Variants in DAGLA observed in about 807,000 individuals in gnomAD.
DAGLA encodes the protein diacylglycerol lipase alpha.
A neutral mutation model predicts 102.6 loss-of-function variants in DAGLA; 22 were observed. The observed-to-expected ratio is 0.21, with a 90% CI of 0.15 to 0.31. DAGLA has a LOEUF of 0.31. Ranked by LOEUF, DAGLA falls within the 10% of genes least tolerant of loss-of-function variation. The pLI is 1.00. For missense variants in DAGLA, 927 were observed against 1,446.6 expected (o/e 0.64, Z 5.83); for synonymous variants, 578 against 628.9 (o/e 0.92, Z 1.21).
At position 61,695,920 on chromosome 11, in the gene DAGLA, C is replaced by T. The variant is rs1036168667; in HGVS notation, c.-45+15416C>T. 3.3e-5 allele frequency among the ~76,000 whole-genome samples: 5 copies of T among 152,304 alleles called. No homozygotes were observed. In the East Asian group the frequency reaches 9.7e-4, roughly 29 times the overall value. ...AGCCAGATACCCAGAGTGTGGATGACAGGCTCCGGGCCAGAGCCCAGGGGC... is the reference window on the plus strand; with the variant it reads ...AGCCAGATACCCAGAGTGTGGATGATAGGCTCCGGGCCAGAGCCCAGGGGC... On this transcript the variant is annotated intron_variant, in intron 1 of 19. Transcript: ENST00000257215.
At chr11:61,722,261 C>A (rs2065290893) in intron 3 of DAGLA, among the ~76,000 whole-genome samples, 1 of 152,246 alleles carries the variant, frequency 6.6e-6, no homozygotes, top group Non-Finnish European at 1.5e-5. Context: ...TCTGATTCCA[C>A]AGTTCAGACA....
At chr11:61,694,265 G>GT (rs375453932) in intron 1 of DAGLA, among the ~76,000 whole-genome samples, 1 of 152,178 alleles carries the variant, frequency 6.6e-6, no homozygotes, top group Admixed American at 6.5e-5. Flanking sequence ...TTCCTTGCCT[G>GT]TTTTTTTCTA....
chr11:61,688,792 G>T (rs927486399), intron 1 of DAGLA, among the ~76,000 whole-genome samples: 138 of 152,362 alleles, frequency 9.1e-4, no homozygotes, highest in Non-Finnish European at 1.5e-3. Context: ...CATGCGGAAA[G>T]CCTTGTGAGG....
chr11:61,720,586 A>G (rs998256402), intron 2 of DAGLA, 93 bp from the exon 3 acceptor site: 2 of 1,204,164 alleles, frequency 1.7e-6, no homozygotes, highest in Non-Finnish European at 2.4e-6. Flanking sequence ...CCCTCCTTCC[A>G]CTGAATCTGG....
intron 1 of DAGLA, among the ~76,000 whole-genome samples, chr11:61,698,170 C>T (rs1384538538): frequency 6.6e-6 from 1 of 152,218 alleles, no homozygotes; most frequent in African/African-American, 2.4e-5. Context: ...ATCCTGGCCC[C>T]CAGTCTGCTC....
In DAGLA at chr11:61,694,898, AG is replaced by A. The variant is rs371979037; in HGVS notation, c.-45+14398del. On this transcript the variant is annotated intron_variant, in intron 1 of 19. Coordinates refer to ENST00000257215, the MANE Select transcript of DAGLA (RefSeq NM_006133.3). ...CTGGTCTTCAGGAAGAACCATGGAGAGGGGAAGCCTGGAAGATAAAAGCTGG... is the reference window on the plus strand; with the variant it reads ...CTGGTCTTCAGGAAGAACCATGGAGAGGGAAGCCTGGAAGATAAAAGCTGG... Among the ~76,000 whole-genome samples the A allele has an allele frequency of 2.7e-3, 408 of 152,192 alleles. 2 individuals carry two copies. The highest frequency in any genetic ancestry group is 9.2e-3 in the African/African-American group (383 of 41,514).
In DAGLA at chr11:61,684,127, C is replaced by T. The variant is rs1356573757; in HGVS notation, c.-45+3623C>T. ...GGCTGCAGCTGAAGGCACAGCTTGT[C>T]ACTGGAAGCCACTCCTCCCCCAGTC... On this transcript the variant is annotated intron_variant, in intron 1 of 19. Transcript: ENST00000257215. This position sits in a 1 kb window ranked among gnomAD's most constrained non-coding sequence, Gnocchi z 4.5. Among the ~76,000 whole-genome samples, 1 of 152,234 alleles carries T rather than the reference C, an allele frequency of 6.6e-6. No individual in the cohort carries two copies. The highest frequency in any genetic ancestry group is 1.5e-5 in the Non-Finnish European group (1 of 68,054).
intron 1 of DAGLA, among the ~76,000 whole-genome samples, chr11:61,694,473 T>C (rs1044413792): frequency 2.0e-5 from 3 of 152,168 alleles, no homozygotes; most frequent in Non-Finnish European, 4.4e-5. Context: ...CCACCACCCA[T>C]AGCAGAGGGC....
chr11:61,699,191 C>T lies in DAGLA; in HGVS notation c.-45+18687C>T, dbSNP rs546388225. On this transcript the variant is annotated intron_variant, in intron 1 of 19. Transcript: ENST00000257215. ...CTGCCCTGAGTTTGGGGCCAGTAGA[C>T]GCAGCAGCCCCTGCTGGTAGAATAG... 6.6e-5 allele frequency among the ~76,000 whole-genome samples: 10 copies of T among 152,304 alleles called. No homozygotes were observed. In the South Asian group the frequency reaches 1.9e-3, roughly 28 times the overall value.
In DAGLA at chr11:61,744,726, G is replaced by C. The variant is rs937612386; in HGVS notation, c.*237G>C. Reference sequence around the variant, plus strand: ...GGAAAGATGGGGAAGGGTGTGGAGTGGGGAGGAGCCTGGGCAGCCTGCTGG... The same window carrying C: ...GGAAAGATGGGGAAGGGTGTGGAGTCGGGAGGAGCCTGGGCAGCCTGCTGG... On this transcript the variant is annotated 3_prime_UTR_variant, in exon 20 of 20. Transcript: ENST00000257215. The C allele has an allele frequency of 2.0e-6, 1 of 487,804 alleles. No homozygotes were observed. The highest frequency in any genetic ancestry group is 1.9e-5 in the African/African-American group (1 of 51,546). 30.2% of individuals were successfully genotyped at this position (487,804 alleles called of 1,614,324 possible).
At chr11:61,719,321 G>C (rs962684514) in intron 1 of DAGLA, among the ~76,000 whole-genome samples, 1 of 152,086 alleles carries the variant, frequency 6.6e-6, no homozygotes, top group Non-Finnish European at 1.5e-5. Flanking sequence ...GTTGCCAGGA[G>C]GGGTGTGACC....
At chr11:61,703,678 A>AATGGATGGATGG (rs10664991) in intron 1 of DAGLA, among the ~76,000 whole-genome samples, 3,269 of 149,540 alleles carry the variant, frequency 0.022, 53 homozygotes, top group African/African-American at 0.03. Context: ...AGGATGGAGG[A>AATGGATGGATGG]ATGGATGGAT....
At chr11:61,709,287 C>A (rs765216907) in intron 1 of DAGLA, among the ~76,000 whole-genome samples, 2 of 152,212 alleles carry the variant, frequency 1.3e-5, no homozygotes, top group Non-Finnish European at 2.9e-5. Flanking sequence ...GAGGCCAAGG[C>A]TGGCTGGAGT....
chr11:61,736,181 G>T, intron 12 of DAGLA, 89 bp from the exon 13 acceptor site: 1 of 1,113,340 alleles, frequency 9.0e-7, no homozygotes, highest in South Asian at 1.3e-5. Flanking sequence ...AAATGGATGG[G>T]GCAGGGTTCC....
chr11:61,743,496 G>T, intron 19 of DAGLA, 36 bp from the exon 20 acceptor site: 1 of 1,478,684 alleles, frequency 6.8e-7, no homozygotes, highest in South Asian at 1.4e-5. Flanking sequence ...TCTCCCTTCT[G>T]AGTCTTATAC....
intron 14 of DAGLA, 134 bp from the exon 15 acceptor site, chr11:61,737,553 C>A: frequency 1.9e-6 from 2 of 1,060,004 alleles, no homozygotes; most frequent in Non-Finnish European, 2.9e-6. Context: ...GCAACCCAGC[C>A]TGCCACCAGC....
intron 11 of DAGLA, 35 bp downstream of exon 11, chr11:61,735,679 C>A: frequency 1.9e-6 from 3 of 1,612,384 alleles, no homozygotes; most frequent in Non-Finnish European, 2.5e-6. Flanking sequence ...CCCGGGGGTG[C>A]CTGCCTCCCT....
chr11:61,730,642 A>G (rs764893409), intron 8 of DAGLA, among the ~76,000 whole-genome samples: 1 of 152,160 alleles, frequency 6.6e-6, no homozygotes, highest in South Asian at 2.1e-4. Context: ...CCAGCAGCCA[A>G]TAACCTCCTC....
chr11:61,734,026 C>T lies in DAGLA; in HGVS notation c.975-823C>T, dbSNP rs570379968. On this transcript the variant is annotated intron_variant, in intron 9 of 19. Transcript: ENST00000257215. The surrounding 1 kb of genome is among the most constrained non-coding windows in gnomAD (Gnocchi z 4.2). ...CCAGAGCCAGGTGGGGTAGACAGGG[C>T]GTTGCTGTAGGGTCTTAAAAAGAAA... Among the ~76,000 whole-genome samples the T allele has an allele frequency of 3.3e-5, 5 of 152,030 alleles. No individual in the cohort carries two copies. Among genetic ancestry groups the T allele is most frequent in the African/African-American group, 7.2e-5 (3 of 41,464 alleles).
Sources: gnomAD v4.1 joint callset for allele counts (sites outside exome capture counted in the v4.1 genomes callset) on GRCh38, gnomAD v4.1.1 for gene constraint, Gnocchi (gnomAD v3.1) non-coding constraint, MANE v1.5 for transcripts, NCBI Gene and HGNC (gene_info 2026-07-23, HGNC 2026-07-21) for gene names.